The following YY1 variants were observed in gnomAD, a reference collection of about 807,000 sequenced individuals.
YY1 encodes YY1 transcription factor, also known as transcriptional repressor protein YY1.
Under a neutral mutation model 35.6 loss-of-function variants are expected in YY1, and 2 were observed. That is an observed-to-expected ratio of 0.06 (90% confidence interval 0.02 to 0.18). The LOEUF is 0.18. Among genes scored for constraint, YY1 ranks in the 10% least tolerant of loss-of-function variants. YY1 has a pLI of 1.00. For missense variants in YY1, 322 were observed against 573.4 expected, an observed-to-expected ratio of 0.56 and a Z score of 4.48; for synonymous variants, 268 against 238.9, an observed-to-expected ratio of 1.12 and a Z score of -1.12.
rs1438942944 is a variant in YY1 at position 100,282,680 on chromosome 14, C to G, written c.*5080C>G. 3 of 152,226 alleles carry G rather than the reference C, an allele frequency of 2.0e-5. No individual in the cohort carries two copies. Among genetic ancestry groups the G allele is most frequent in the African/African-American group, 7.2e-5 (3 of 41,452 alleles). 9.4% of individuals were successfully genotyped at this position (152,226 alleles called of 1,614,324 possible). ...ATATAGTATTTAAGGCATCCGCATC[C>G]AGCATCAGATGGCTTTGCATCCAGA... On this transcript the variant is annotated 3_prime_UTR_variant, in exon 5 of 5. Transcript: ENST00000262238.
intron 1 of YY1, among the ~76,000 whole-genome samples, 168 bp downstream of exon 1, chr14:100,240,091 GGGCCGCGAAGATGGCGGCA>G (rs1295396134): frequency 6.8e-6 from 1 of 146,528 alleles, no homozygotes; most frequent in Non-Finnish European, 1.5e-5. Flanking sequence ...GGCGGGCGGC[GGGCCGCGAAGATGGCGGCA>G]GGCCGCGGGG....
At chr14:100,245,215 C>T (rs1303857235) in intron 1 of YY1, among the ~76,000 whole-genome samples, 2 of 151,616 alleles carry the variant, frequency 1.3e-5, no homozygotes, top group African/African-American at 4.9e-5. Flanking sequence ...GGATTACAGG[C>T]GTGAGCCACT....
intron 1 of YY1, among the ~76,000 whole-genome samples, chr14:100,260,507 C>T (rs931139788): frequency 2.0e-5 from 3 of 147,758 alleles, no homozygotes; most frequent in South Asian, 2.1e-4. Flanking sequence ...GAGTCTCGCT[C>T]TGTCACCCAG....
intron 1 of YY1, among the ~76,000 whole-genome samples, chr14:100,244,785 C>A (rs1041296043): frequency 6.6e-6 from 1 of 152,024 alleles, no homozygotes; most frequent in African/African-American, 2.4e-5. Flanking sequence ...TGGTGTCAAA[C>A]TCCTGGGCTC....
chr14:100,275,327 G>A (rs1891302639), intron 3 of YY1, among the ~76,000 whole-genome samples: 1 of 152,208 alleles, frequency 6.6e-6, no homozygotes, highest in Non-Finnish European at 1.5e-5. Flanking sequence ...CAAAGTAGGA[G>A]AGATTGAGTG....
chr14:100,247,527 C>T (rs1190789687), intron 1 of YY1, among the ~76,000 whole-genome samples: 1 of 151,992 alleles, frequency 6.6e-6, no homozygotes, highest in East Asian at 1.9e-4. Flanking sequence ...ACTACAGGCA[C>T]GCACCACCAG....
rs36009825 is a variant in YY1, at chr14:100,281,061, C to CAAAAA, written c.*3483_*3487dup. On this transcript the variant is annotated 3_prime_UTR_variant, in exon 5 of 5. Coordinates refer to ENST00000262238, the MANE Select transcript of YY1 (RefSeq NM_003403.5). ...GGTGACAGAGCAAGACTCCGTCTCC[C>CAAAAA]AAAAAAAAAAAAAAAAAAAAAAAAA... The CAAAAA allele has an allele frequency of 2.0e-5, 2 of 100,898 alleles. No homozygotes were observed. Among genetic ancestry groups the CAAAAA allele is most frequent in the African/African-American group, 9.7e-5 (2 of 20,600 alleles). The allele number at this position is 100,898 out of a possible 1,614,324, so 6.3% of individuals were successfully genotyped here.
chr14:100,259,239 A>AG (rs1891046159), intron 1 of YY1, among the ~76,000 whole-genome samples: 1 of 152,238 alleles, frequency 6.6e-6, no homozygotes, highest in Non-Finnish European at 1.5e-5. Context: ...CTCTACCTTA[A>AG]GAGGCAAGAC....
chr14:100,256,189 A>G (rs1891003831), intron 1 of YY1, among the ~76,000 whole-genome samples: 1 of 152,084 alleles, frequency 6.6e-6, no homozygotes, highest in Non-Finnish European at 1.5e-5. Context: ...AGATTACGAT[A>G]TAATTCTCTC....
chr14:100,263,666 A>G (rs1891114783), intron 2 of YY1: 1 of 152,204 alleles, frequency 6.6e-6, no homozygotes, highest in African/African-American at 2.4e-5. Context: ...CAAGGGCAGG[A>G]TCAAGAAGAA....
In YY1 at chr14:100,277,376, C is replaced by A; in HGVS notation, c.1063-42C>A. ...GAGCTCCTGACTCCCAGGGTCTGGT[C>A]AGAGTTGCTGAGTGGGTTGATCTCT... On this transcript the variant is annotated intron_variant, in intron 4 of 4. Coordinates refer to ENST00000262238, the MANE Select transcript of YY1 (RefSeq NM_003403.5). The surrounding 1 kb of genome is among the most constrained non-coding windows in gnomAD (Gnocchi z 5.6). The A allele has an allele frequency of 6.2e-7, 1 of 1,613,078 alleles. No homozygotes were observed. Among genetic ancestry groups the A allele is most frequent in the South Asian group, 1.1e-5 (1 of 91,042 alleles).
intron 1 of YY1, among the ~76,000 whole-genome samples, chr14:100,240,527 G>C (rs1370099661): frequency 0.033 from 2 of 60 alleles, no homozygotes; most frequent in Non-Finnish European, 0.059. Context: ...CTTGGCACTC[G>C]TGGGCGCCCT....
intron 2 of YY1, among the ~76,000 whole-genome samples, chr14:100,268,998 A>G (rs1033036498): frequency 1.3e-5 from 2 of 152,190 alleles, no homozygotes; most frequent in African/African-American, 4.8e-5. Flanking sequence ...AATCTTTACA[A>G]CGTTCTTCCC....
rs1320592350 is a variant in YY1 at position 100,241,978 on chromosome 14, A to G, written c.679+2055A>G. On this transcript the variant is annotated intron_variant, in intron 1 of 4. Transcript: ENST00000262238. The stretch of plus-strand genomic sequence containing the variant: ...TGACAGAGCGAGACTCTGTCTCAAA[A>G]GGGGGGGGGGGGCATTTTTTTTTGT... Among the ~76,000 whole-genome samples the G allele has an allele frequency of 8.4e-4, 74 of 87,882 alleles. 1 individual carries two copies. The highest frequency in any genetic ancestry group is 1.8e-3 in the South Asian group (4 of 2,220). 57.7% of individuals were successfully genotyped at this position (87,882 alleles called of 152,430 possible). A position where few individuals can be genotyped will look rare whatever the true frequency, so the allele number is the denominator to read the frequency against.
chr14:100,245,335 T>G (rs1456563896), intron 1 of YY1, among the ~76,000 whole-genome samples: 1 of 152,228 alleles, frequency 6.6e-6, no homozygotes, highest in African/African-American at 2.4e-5. Context: ...AAATTAGAGA[T>G]GGGGTCTTGC....
intron 1 of YY1, among the ~76,000 whole-genome samples, chr14:100,261,962 A>G (rs979287913): frequency 6.6e-6 from 1 of 152,104 alleles, no homozygotes; most frequent in Non-Finnish European, 1.5e-5. Context: ...CAGCCTGGGT[A>G]ACATTGTGAG....
At chr14:100,239,951 C>T (rs1441670148) in intron 1 of YY1, 28 bp downstream of exon 1, 2 of 1,510,068 alleles carry the variant, frequency 1.3e-6, no homozygotes, top group Admixed American at 2.2e-5. Context: ...GCCCCGGCCC[C>T]GGGATGTTTT....
Position 100,262,485 on chromosome 14 carries a change from CCTTT to C in YY1, c.842+24_842+27del, listed in dbSNP as rs1440543607. 1 of 1,613,304 alleles carries C rather than the reference CCTTT, an allele frequency of 6.2e-7. No individual in the cohort carries two copies. ...TTGCTAGGTAAGTTATAAGAACTTT[CCTTT>C]CTTTTAATTATAGAAAGTGCTTGAG... On this transcript the variant is annotated intron_variant, in intron 2 of 4. Transcript: ENST00000262238.
At position 100,239,787 on chromosome 14, in the gene YY1, CAAG is replaced by C. The variant is rs944424391; in HGVS notation, c.548_550del (p.Lys183del). The C allele has an allele frequency of 3.9e-6, 6 of 1,551,604 alleles. No homozygotes were observed. The highest frequency in any genetic ancestry group is 5.2e-6 in the Non-Finnish European group (6 of 1,151,542). On this transcript the variant is annotated inframe_deletion, in exon 1 of 5. Transcript: ENST00000262238. ...AGAAGGGCGGCGGCAAGAAGAGCGG[CAAG>C]AAGAGTTACCTCAGCGGCGGGGCCG...
Sources: allele counts gnomAD v4.1 joint callset (sites outside exome capture counted in the v4.1 genomes callset), GRCh38; gene constraint gnomAD v4.1.1; non-coding constraint Gnocchi (gnomAD v3.1); transcripts MANE v1.5; gene names NCBI Gene and HGNC (gene_info 2026-07-23, HGNC 2026-07-21).